The following GAN variants were observed in gnomAD, a reference collection of about 807,000 sequenced individuals.
GAN encodes gigaxonin.
In GAN, 48 loss-of-function variants were observed where a neutral mutation model predicts 71.3. The ratio of observed to expected loss-of-function variants is 0.67; its 90% CI spans 0.53 to 0.86. GAN has a LOEUF of 0.86. Among genes scored for constraint, GAN ranks in the 40% least tolerant of loss-of-function variants. The pLI, the probability that GAN is intolerant of heterozygous loss-of-function variation, is 0.00. For synonymous variants in GAN, 386 were observed against 276.8 expected, an observed-to-expected ratio of 1.39 and a Z score of -3.92; for missense variants, 928 against 770.1, an observed-to-expected ratio of 1.21 and a Z score of -2.43.
In GAN at chr16:81,314,989, C is replaced by G. The variant is rs767838048; in HGVS notation, c.-125C>G. ...ATAGCACAGGCACGTCCCGGGGGCTCCAGCTTCTGCTCAGAGCGCGGAGAG... is the reference window on the plus strand; with the variant it reads ...ATAGCACAGGCACGTCCCGGGGGCTGCAGCTTCTGCTCAGAGCGCGGAGAG... On this transcript the variant is annotated 5_prime_UTR_variant, in exon 1 of 11. Transcript: ENST00000648994. 1 of 818,160 alleles carries G rather than the reference C, an allele frequency of 1.2e-6. No homozygotes were observed. 50.7% of individuals were successfully genotyped at this position (818,160 alleles called of 1,614,324 possible). A position where few individuals can be genotyped will look rare whatever the true frequency, so the allele number is the denominator to read the frequency against.
chr16:81,335,102 G>A (rs1418135011), intron 1 of GAN, among the ~76,000 whole-genome samples: 1 of 141,534 alleles, frequency 7.1e-6, no homozygotes, highest in Non-Finnish European at 1.5e-5. Flanking sequence ...AGGTGTTATT[G>A]GAGCAGAGAA....
chr16:81,369,838 G>A (rs1910980413), intron 9 of GAN, among the ~76,000 whole-genome samples: 1 of 152,166 alleles, frequency 6.6e-6, no homozygotes, highest in Admixed American at 6.5e-5. Flanking sequence ...CCAAAGTGCT[G>A]GGATTACAGG....
At chr16:81,362,647 TC>T in intron 6 of GAN, 36 bp downstream of exon 6, 1 of 1,062,222 alleles carries the variant, frequency 9.4e-7, no homozygotes, top group Non-Finnish European at 1.5e-6. Flanking sequence ...TTGATGTGTT[TC>T]TCTTTCCCCT....
At chr16:81,332,175 A>G (rs1909602487) in intron 1 of GAN, among the ~76,000 whole-genome samples, 1 of 151,872 alleles carries the variant, frequency 6.6e-6, no homozygotes, top group African/African-American at 2.4e-5. Context: ...AAAAAAAAAA[A>G]AGAAAAAGAA....
chr16:81,364,951 C>T (rs1385888133), intron 7 of GAN, 23 bp from the exon 8 acceptor site: 1 of 1,612,876 alleles, frequency 6.2e-7, no homozygotes, highest in Admixed American at 1.7e-5. Context: ...TGCCTCTCCC[C>T]CACCATTGTT....
At chr16:81,349,699 A>G (rs1026314773) in intron 1 of GAN, among the ~76,000 whole-genome samples, 1 of 152,204 alleles carries the variant, frequency 6.6e-6, no homozygotes, top group Non-Finnish European at 1.5e-5. Flanking sequence ...GTTTGTATTC[A>G]GTCTACCAAA....
rs1166924845 is a variant in GAN at position 81,354,408 on chromosome 16, A to G, written c.286A>G (p.Arg96Gly). 1.9e-6 allele frequency: 3 copies of G among 1,598,470 alleles called. No individual in the cohort carries two copies. Among genetic ancestry groups the G allele is most frequent in the Non-Finnish European group, 2.6e-6 (3 of 1,165,786 alleles). ...ILDYIFSGQI[R>G]LNEDTIQDVV... ...GATAATTATGCTACTTTTTTAGATCAGGCTAAATGAAGATACAATCCAAGA... is the reference window on the plus strand; with the variant it reads ...GATAATTATGCTACTTTTTTAGATCGGGCTAAATGAAGATACAATCCAAGA... Residue 96 changes from arginine to glycine, a missense_variant, in exon 3 of 11, where the codon AGG becomes GGG. Physicochemically the swap from Arg to Gly is moderately radical, Grantham distance 125. Coordinates refer to ENST00000648994, the MANE Select transcript of GAN (RefSeq NM_022041.4).
chr16:81,350,884 AT>A (rs1330001761), intron 1 of GAN, among the ~76,000 whole-genome samples: 1 of 152,238 alleles, frequency 6.6e-6, no homozygotes, highest in Admixed American at 6.5e-5. Flanking sequence ...ACAGTTTGCA[AT>A]ATCGAAAACC....
At position 81,315,127 on chromosome 16, in the gene GAN, G is replaced by A. The variant is rs768368918; in HGVS notation, c.14G>A (p.Ser5Asn). The A allele has an allele frequency of 3.3e-6, 5 of 1,519,456 alleles. No individual in the cohort carries two copies. Among genetic ancestry groups the A allele is most frequent in the African/African-American group, 2.9e-5 (2 of 69,494 alleles). 94.1% of individuals were successfully genotyped at this position (1,519,456 alleles called of 1,614,324 possible). A position where few individuals can be genotyped will look rare whatever the true frequency, so the allele number is the denominator to read the frequency against. The change falls in exon 1 of 11, where the codon AGT becomes AAT. Residue 5 changes from serine to asparagine, a missense_variant. By Grantham distance (46) the Ser-to-Asn change is conservative. Transcript: ENST00000648994. ...GCGGGCGCCGCGATGGCTGAGGGCAGTGCCGTGTCTGACCCTCAGCACGCC... is the reference window on the plus strand; with the variant it reads ...GCGGGCGCCGCGATGGCTGAGGGCAATGCCGTGTCTGACCCTCAGCACGCC... Reference protein sequence around the residue: MAEGSAVSDPQHAAR... With the variant: MAEGNAVSDPQHAAR...
chr16:81,335,992 C>T (rs1297117857), intron 1 of GAN, among the ~76,000 whole-genome samples: 3 of 152,162 alleles, frequency 2.0e-5, no homozygotes, highest in East Asian at 1.9e-4. Context: ...CTCAGTGCAC[C>T]AGTGTGAGGC....
chr16:81,329,399 GA>G (rs1051506738), intron 1 of GAN, among the ~76,000 whole-genome samples: 8 of 152,034 alleles, frequency 5.3e-5, no homozygotes, highest in Admixed American at 2.6e-4. Flanking sequence ...TGGAAAAAAA[GA>G]AAAAAAGTAA....
At chr16:81,351,737 C>T (rs1240038344) in intron 2 of GAN, 40 bp downstream of exon 2, 2 of 903,250 alleles carry the variant, frequency 2.2e-6, no homozygotes, top group Non-Finnish European at 3.8e-6. Context: ...TAAGTAGAGG[C>T]TTCTCAAGCT....
chr16:81,328,704 A>G (rs1240807639), intron 1 of GAN, among the ~76,000 whole-genome samples: 2 of 145,136 alleles, frequency 1.4e-5, no homozygotes, highest in African/African-American at 2.6e-5. Context: ...CCATTCCTTC[A>G]TCACTTTTGG....
chr16:81,362,186 T>C (rs1281489055), intron 5 of GAN, among the ~76,000 whole-genome samples: 6 of 152,134 alleles, frequency 3.9e-5, no homozygotes, highest in Non-Finnish European at 7.4e-5. Context: ...TCCCAGAGGC[T>C]GAGAGGGAAC....
Position 81,379,221 on chromosome 16 carries a change from A to G in GAN, c.*1625A>G, listed in dbSNP as rs1904293551. Reference sequence around the variant, plus strand: ...AAACATCACTTACGTTCTCCCACCCATAGACATAAAAAAGGGTGACCTGTG... The same window carrying G: ...AAACATCACTTACGTTCTCCCACCCGTAGACATAAAAAAGGGTGACCTGTG... On this transcript the variant is annotated 3_prime_UTR_variant, in exon 11 of 11. Coordinates refer to ENST00000648994, the MANE Select transcript of GAN (RefSeq NM_022041.4). The G allele has an allele frequency of 6.6e-6, 1 of 152,158 alleles. No individual in the cohort carries two copies. The highest frequency in any genetic ancestry group is 2.1e-4 in the South Asian group (1 of 4,832). The allele number at this position is 152,158 out of a possible 1,614,324, so 9.4% of individuals were successfully genotyped here.
intron 2 of GAN, among the ~76,000 whole-genome samples, chr16:81,352,788 A>G (rs185517141): frequency 3.3e-4 from 51 of 152,294 alleles, no homozygotes; most frequent in African/African-American, 1.2e-3. Context: ...AATTTAAGTT[A>G]ATCTGGGGAC....
At chr16:81,335,943 T>C (rs536000256) in intron 1 of GAN, among the ~76,000 whole-genome samples, 1 of 152,180 alleles carries the variant, frequency 6.6e-6, no homozygotes, top group African/African-American at 2.4e-5. Flanking sequence ...GGGTGCCCCA[T>C]GCGGGTTCCT....
chr16:81,361,258 A>T (rs1056717632), intron 5 of GAN, among the ~76,000 whole-genome samples: 8 of 152,184 alleles, frequency 5.3e-5, no homozygotes, highest in African/African-American at 1.9e-4. Context: ...AATTATTTGT[A>T]GCAATAACTT....
rs1030638845 is a variant in GAN, at chr16:81,379,891, G to C, written c.*2295G>C. 8.6e-5 allele frequency: 13 copies of C among 151,060 alleles called. No homozygotes were observed. Among genetic ancestry groups the C allele is most frequent in the African/African-American group, 2.9e-4 (12 of 41,052 alleles). 9.4% of individuals were successfully genotyped at this position (151,060 alleles called of 1,614,324 possible). A position where few individuals can be genotyped will look rare whatever the true frequency, so the allele number is the denominator to read the frequency against. ...AATATTATCAGTACCTGCATGACTT[G>C]GTAAATTCATTTTATAAAAATAGTG... On this transcript the variant is annotated 3_prime_UTR_variant, in exon 11 of 11. Transcript: ENST00000648994.
Sources: gnomAD v4.1 joint callset for allele counts (sites outside exome capture counted in the v4.1 genomes callset) on GRCh38, gnomAD v4.1.1 for gene constraint, MANE v1.5 for transcripts, NCBI Gene and HGNC (gene_info 2026-07-23, HGNC 2026-07-21) for gene names.